Variants in SLIT3 observed in about 807,000 individuals in gnomAD.
SLIT3 encodes slit guidance ligand 3.
SLIT3 carries 68 observed loss-of-function variants against 184.0 expected under a neutral mutation model. The observed-to-expected ratio is 0.37, with a 90% confidence interval of 0.30 to 0.45. The LOEUF (loss-of-function observed/expected upper bound fraction) is 0.45, where lower values mean the gene tolerates loss of function less well. SLIT3 is among the 20% of genes least tolerant of loss of function. The pLI is 1.00. For missense variants in SLIT3, 1,707 were observed against 2,026.0 expected, an observed-to-expected ratio of 0.84 and a Z score of 3.02; for synonymous variants, 831 against 828.6, an observed-to-expected ratio of 1.00 and a Z score of -0.05.
intron 4 of SLIT3, among the ~76,000 whole-genome samples, chr5:169,101,212 TG>T (rs1561665269): frequency 6.6e-6 from 1 of 152,206 alleles, no homozygotes; most frequent in East Asian, 1.9e-4. Flanking sequence ...AATAACACTT[TG>T]GTTTTTGCTG....
chr5:169,118,182 G>C (rs1483616392), intron 4 of SLIT3, among the ~76,000 whole-genome samples: 2 of 152,178 alleles, frequency 1.3e-5, no homozygotes, highest in Non-Finnish European at 2.9e-5. Flanking sequence ...TGTCTCTAAA[G>C]AAATTTGTTT....
chr5:169,103,170 C>A (rs1245828536), intron 4 of SLIT3, among the ~76,000 whole-genome samples: 3 of 152,110 alleles, frequency 2.0e-5, no homozygotes, highest in African/African-American at 7.2e-5. Context: ...AGGTGGAAAC[C>A]AGAGCACACA....
chr5:169,138,812 C>T (rs1452326543), intron 4 of SLIT3, among the ~76,000 whole-genome samples: 1 of 152,186 alleles, frequency 6.6e-6, no homozygotes, highest in Non-Finnish European at 1.5e-5. Context: ...CTCTGACTTG[C>T]GAGTCAAGCA....
chr5:168,678,422 C>A (rs1761479903), intron 32 of SLIT3, among the ~76,000 whole-genome samples: 1 of 152,152 alleles, frequency 6.6e-6, no homozygotes, highest in African/African-American at 2.4e-5. Flanking sequence ...TTCTCCCTGA[C>A]AAATCCCTGT....
At chr5:169,018,989 T>C (rs949830989) in intron 4 of SLIT3, among the ~76,000 whole-genome samples, 10 of 152,140 alleles carry the variant, frequency 6.6e-5, no homozygotes, top group Admixed American at 5.9e-4. Context: ...TGACAACTAG[T>C]CACGCCCCGA....
intron 4 of SLIT3, among the ~76,000 whole-genome samples, chr5:169,162,068 C>T (rs563003776): frequency 2.7e-4 from 41 of 152,276 alleles, no homozygotes; most frequent in African/African-American, 7.9e-4. Context: ...TTCACAACAA[C>T]TTGTTGATGT....
Position 168,746,394 on chromosome 5 carries a change from G to GA in SLIT3, c.2270+1907_2270+1908insT, listed in dbSNP as rs1316741422. 5.0e-3 allele frequency among the ~76,000 whole-genome samples: 464 copies of GA among 92,470 alleles called. 11 individuals are homozygous for GA. Among genetic ancestry groups the GA allele is most frequent in the East Asian group, 5.5e-3 (15 of 2,730 alleles). The allele number at this position is 92,470 out of a possible 152,430, so 60.7% of individuals were successfully genotyped here. Reference sequence around the variant, plus strand: ...TGTGAGTGTGGTGGTGTGGGTGTGTGGTGTCTGGTGGTGTGTAGTGTGTGA... The same window carrying GA: ...TGTGAGTGTGGTGGTGTGGGTGTGTGAGTGTCTGGTGGTGTGTAGTGTGTGA... On this transcript the variant is annotated intron_variant, in intron 20 of 35. Transcript: ENST00000519560.
intron 4 of SLIT3, among the ~76,000 whole-genome samples, chr5:169,112,458 C>A (rs1218155253): frequency 6.6e-6 from 1 of 152,166 alleles, no homozygotes; most frequent in Non-Finnish European, 1.5e-5. Flanking sequence ...ACAAGGTAGA[C>A]CCTCATAACA....
chr5:169,275,744 T>G (rs1766780488), intron 1 of SLIT3, among the ~76,000 whole-genome samples: 1 of 152,166 alleles, frequency 6.6e-6, no homozygotes, highest in South Asian at 2.1e-4. Flanking sequence ...CCCCCATGAT[T>G]CAATTACCTC....
At chr5:168,668,425 G>A (rs1391596920) in intron 35 of SLIT3, among the ~76,000 whole-genome samples, 1 of 152,148 alleles carries the variant, frequency 6.6e-6, no homozygotes, top group African/African-American at 2.4e-5. Context: ...TAGTTTTGAA[G>A]GCATGGCATC....
chr5:169,095,793 T>A (rs953909770), intron 4 of SLIT3, among the ~76,000 whole-genome samples: 4 of 152,206 alleles, frequency 2.6e-5, no homozygotes, highest in African/African-American at 9.6e-5. Flanking sequence ...TTCCTTGACA[T>A]CTCGTTCCTG....
chr5:168,734,509 T>C (rs1452441320), intron 20 of SLIT3, among the ~76,000 whole-genome samples: 1 of 152,198 alleles, frequency 6.6e-6, no homozygotes. Flanking sequence ...AGCATTAGTT[T>C]TTCAATATCA....
intron 23 of SLIT3, among the ~76,000 whole-genome samples, chr5:168,721,753 C>A (rs1437400009): frequency 6.6e-6 from 1 of 152,186 alleles, no homozygotes; most frequent in Admixed American, 6.5e-5. Context: ...GCCAACCCCA[C>A]AATTGCTAAC....
At chr5:168,754,103 T>G (rs1378438410) in intron 16 of SLIT3, 96 bp from the exon 17 acceptor site, 1 of 1,334,960 alleles carries the variant, frequency 7.5e-7, no homozygotes, top group Admixed American at 2.2e-5. Flanking sequence ...GGGGACTCTC[T>G]GGGGCCCCTG....
chr5:169,039,877 G>A (rs1283548659), intron 4 of SLIT3, among the ~76,000 whole-genome samples: 6 of 152,192 alleles, frequency 3.9e-5, no homozygotes, highest in Non-Finnish European at 8.8e-5. Flanking sequence ...TAATGCAAGC[G>A]CCTCAGGGCA....
chr5:168,883,420 C>G (rs576321854), intron 4 of SLIT3, 84 bp from the exon 5 acceptor site: 68 of 1,074,216 alleles, frequency 6.3e-5, no homozygotes, highest in East Asian at 2.9e-4. Flanking sequence ...CAATCCCCCC[C>G]ACCCAGGCTG....
At position 168,744,281 on chromosome 5, in the gene SLIT3, T is replaced by A. The variant is rs532984930; in HGVS notation, c.2270+4021A>T. On this transcript the variant is annotated intron_variant, in intron 20 of 35. Coordinates refer to ENST00000519560, the MANE Select transcript of SLIT3 (RefSeq NM_003062.4). ...TCCAGCCTGGGTGAAAGAGCGAGAC[T>A]CCATCTCAAAACAAAACGAAACAAA... 3.3e-5 allele frequency among the ~76,000 whole-genome samples: 5 copies of A among 152,158 alleles called. No homozygotes were observed. In the East Asian group the frequency reaches 9.7e-4, roughly 29 times the overall value.
chr5:168,667,843 T>G (rs370911874), intron 35 of SLIT3: 27 of 152,186 alleles, frequency 1.8e-4, no homozygotes, highest in East Asian at 1.2e-3. Flanking sequence ...AAGAGGTTAA[T>G]GACAATGTGT....
At chr5:168,957,194 A>C (rs1368490669) in intron 4 of SLIT3, among the ~76,000 whole-genome samples, 1 of 147,870 alleles carries the variant, frequency 6.8e-6, no homozygotes. Context: ...GTGCCACTGC[A>C]CTCCAGCCTG....
Sources: gnomAD v4.1 joint callset for allele counts (sites outside exome capture counted in the v4.1 genomes callset) on GRCh38, gnomAD v4.1.1 for gene constraint, MANE v1.5 for transcripts, NCBI Gene and HGNC (gene_info 2026-07-23, HGNC 2026-07-21) for gene names.